Variants in CENPK observed in about 807,000 individuals in gnomAD.
CENPK encodes the protein SoxLZ/Sox6-binding protein Solt.
In CENPK, 46 loss-of-function variants were observed where a neutral mutation model predicts 40.9. That is an observed-to-expected ratio of 1.13 (90% CI 0.89 to 1.44). The LOEUF is 1.44. CENPK is among the 40% of genes most tolerant of loss of function. CENPK has a pLI of 0.00. For missense variants in CENPK, 288 were observed against 303.5 expected (o/e 0.95, Z 0.38); for synonymous variants, 107 against 104.4 (o/e 1.02, Z -0.15).
downstream of CENPK, among the ~76,000 whole-genome samples, chr5:65,516,603 T>C (rs530604458): frequency 6.6e-6 from 1 of 152,280 alleles, no homozygotes; most frequent in Non-Finnish European, 1.5e-5. Flanking sequence ...AGAGAGGACC[T>C]GGATAGGAAA....
At chr5:65,523,662 C>A (rs1251386111) in intron 9 of CENPK, among the ~76,000 whole-genome samples, 2 of 152,020 alleles carry the variant, frequency 1.3e-5, no homozygotes, top group Non-Finnish European at 2.9e-5. Flanking sequence ...AGACTTGAGA[C>A]AAACGAAATG....
At chr5:65,535,976 C>T (rs1286072497) in intron 6 of CENPK, among the ~76,000 whole-genome samples, 1 of 152,092 alleles carries the variant, frequency 6.6e-6, no homozygotes, top group Non-Finnish European at 1.5e-5. Flanking sequence ...AGCTGCACTG[C>T]GATAAGTTAC....
At chr5:65,560,503 C>T (rs537125074) in intron 2 of CENPK, among the ~76,000 whole-genome samples, 5 of 151,936 alleles carry the variant, frequency 3.3e-5, no homozygotes, top group Admixed American at 2.0e-4. Context: ...GTAAACTTTA[C>T]GTTTATTTTG....
At chr5:65,554,718 ATT>A in intron 3 of CENPK, 77 bp downstream of exon 3, 1 of 812,270 alleles carries the variant, frequency 1.2e-6, no homozygotes, top group Admixed American at 2.1e-5. Context: ...TAGCACAATC[ATT>A]TCTTTCCTGA....
intron 6 of CENPK, among the ~76,000 whole-genome samples, chr5:65,534,602 A>C (rs977294121): frequency 6.6e-6 from 1 of 152,228 alleles, no homozygotes; most frequent in African/African-American, 2.4e-5. Flanking sequence ...ATTAATTTTC[A>C]ACAAAAGTGT....
At chr5:65,556,818 CATT>C (rs1751054732) in intron 2 of CENPK, among the ~76,000 whole-genome samples, 2 of 152,204 alleles carry the variant, frequency 1.3e-5, no homozygotes, top group South Asian at 4.2e-4. Context: ...TCTTTCATAC[CATT>C]TTTTTTACTG....
In CENPK at chr5:65,518,625, T is replaced by A; in HGVS notation, c.660A>T (p.Ile220=). The part of the protein sequence containing the change: ...ITLHEMLEIL[I]NRLFDVPHDP... The stretch of plus-strand genomic sequence containing the variant: ...CATGTGGAACATCAAATAATCTATT[T>A]ATAAGAATCTAGGAGAAAATATCAT... Residue 220 remains isoleucine, a synonymous_variant, in exon 11 of 11, where the codon ATA becomes ATT. Coordinates refer to ENST00000396679, the MANE Select transcript of CENPK (RefSeq NM_022145.5). 1 of 1,569,586 alleles carries A rather than the reference T, an allele frequency of 6.4e-7. No homozygotes were observed. Among genetic ancestry groups the A allele is most frequent in the Non-Finnish European group, 8.7e-7 (1 of 1,148,242 alleles).
chr5:65,508,329 C>G, the CENPK span, among the ~76,000 whole-genome samples: 1 of 152,164 alleles, frequency 6.6e-6, no homozygotes, highest in African/African-American at 2.4e-5. Flanking sequence ...TGTAATACTT[C>G]TATAAGGAAG....
intron 5 of CENPK, among the ~76,000 whole-genome samples, chr5:65,548,425 G>C (rs1749396447): frequency 6.6e-6 from 1 of 152,112 alleles, no homozygotes; most frequent in Non-Finnish European, 1.5e-5. Flanking sequence ...GCTGATGACT[G>C]ATCAGGTTAG....
At chr5:65,526,069 C>T (rs1210608989) in intron 9 of CENPK, among the ~76,000 whole-genome samples, 2 of 151,968 alleles carry the variant, frequency 1.3e-5, no homozygotes, top group African/African-American at 4.8e-5. Flanking sequence ...ATCAATAGTC[C>T]TTATACATCA....
At chr5:65,498,859 C>G in the CENPK span, among the ~76,000 whole-genome samples, 1 of 151,846 alleles carries the variant, frequency 6.6e-6, no homozygotes, top group African/African-American at 2.4e-5. Context: ...CGCCATGTTG[C>G]CCAGACTGGT....
the CENPK span, among the ~76,000 whole-genome samples, chr5:65,508,583 G>A: frequency 1.1e-4 from 16 of 152,098 alleles, no homozygotes; most frequent in South Asian, 1.5e-3. Context: ...TCAGGAGTTC[G>A]ACACCAGCCT....
At chr5:65,499,689 C>CT in the CENPK span, among the ~76,000 whole-genome samples, 1 of 102,808 alleles carries the variant, frequency 9.7e-6, no homozygotes, top group East Asian at 2.6e-4. Flanking sequence ...TTATTATACT[C>CT]TAAGTTTTAG....
the CENPK span, among the ~76,000 whole-genome samples, chr5:65,504,164 A>T: frequency 2.0e-5 from 3 of 148,090 alleles, no homozygotes; most frequent in Admixed American, 6.9e-5. Flanking sequence ...TATTTTTTTA[A>T]AAAAAACCTG....
chr5:65,505,525 A>C, the CENPK span, among the ~76,000 whole-genome samples: 70 of 152,272 alleles, frequency 4.6e-4, no homozygotes, highest in African/African-American at 1.6e-3. Flanking sequence ...CCTGTAGTCC[A>C]AGCTACTTGG....
chr5:65,563,049 G>A (rs907125277), intron 1 of CENPK, 49 bp downstream of exon 1: 4 of 332,800 alleles, frequency 1.2e-5, no homozygotes, highest in African/African-American at 6.5e-5. Context: ...CAGGACTGGA[G>A]CTCCACAAGA....
At chr5:65,543,808 A>C (rs1389210388) in intron 5 of CENPK, among the ~76,000 whole-genome samples, 3 of 152,220 alleles carry the variant, frequency 2.0e-5, no homozygotes, top group African/African-American at 7.2e-5. Flanking sequence ...TCAGAGAATG[A>C]AATGTGTACT....
the CENPK span, among the ~76,000 whole-genome samples, chr5:65,512,455 A>C: frequency 1.3e-5 from 2 of 152,128 alleles, no homozygotes; most frequent in African/African-American, 4.8e-5. Flanking sequence ...AGCCACCCGA[A>C]CCTCCAACAA....
chr5:65,512,067 CAT>C, the CENPK span, among the ~76,000 whole-genome samples: 2 of 152,150 alleles, frequency 1.3e-5, no homozygotes, highest in African/African-American at 2.4e-5. Flanking sequence ...AGTAACCACA[CAT>C]GTGGTAGAAA....
Sources: allele counts gnomAD v4.1 joint callset (sites outside exome capture counted in the v4.1 genomes callset), GRCh38; gene constraint gnomAD v4.1.1; transcripts MANE v1.5; gene names NCBI Gene and HGNC (gene_info 2026-07-23, HGNC 2026-07-21).